CRIM1: variants seen among roughly 807,000 people sequenced by gnomAD.
CRIM1 encodes the protein cysteine rich transmembrane BMP regulator 1, also known as cysteine-rich motor neuron 1 protein.
CRIM1 carries 32 observed loss-of-function variants against 116.4 expected under a neutral mutation model. That is an observed-to-expected ratio of 0.27 (90% CI 0.21 to 0.37). CRIM1 has a LOEUF of 0.37. Ranked by LOEUF, CRIM1 falls within the 10% of genes least tolerant of loss-of-function variation. The probability of loss-of-function intolerance (pLI) is 1.00; values close to 1 mark genes in which losing one functional copy is unlikely to be tolerated. For synonymous variants in CRIM1, 590 were observed against 509.2 expected (o/e 1.16, Z -2.13); for missense variants, 1,331 against 1,354.8 (o/e 0.98, Z 0.28).
chr2:36,381,279 G>T (rs1436694700), intron 1 of CRIM1, among the ~76,000 whole-genome samples: 1 of 152,238 alleles, frequency 6.6e-6, no homozygotes, highest in East Asian at 1.9e-4. Context: ...GAGGTGGGAT[G>T]GAGGGAAAGG....
At chr2:36,531,289 A>G (rs1369868893) in intron 13 of CRIM1, among the ~76,000 whole-genome samples, 1 of 152,254 alleles carries the variant, frequency 6.6e-6, no homozygotes, top group Non-Finnish European at 1.5e-5. Flanking sequence ...CCTCCTAGGC[A>G]GAAATCAAGA....
chr2:36,373,192 G>C (rs1670059667), intron 1 of CRIM1, among the ~76,000 whole-genome samples: 1 of 152,090 alleles, frequency 6.6e-6, no homozygotes, highest in African/African-American at 2.4e-5. Flanking sequence ...GTGGGTAAAG[G>C]ACCCAGAACT....
intron 4 of CRIM1, among the ~76,000 whole-genome samples, chr2:36,458,547 T>C (rs1020471148): frequency 5.3e-5 from 8 of 152,018 alleles, no homozygotes; most frequent in African/African-American, 1.9e-4. Context: ...TTGCTTAGAG[T>C]TCTTTAGTAG....
chr2:36,429,728 G>A (rs1394600792), intron 2 of CRIM1, among the ~76,000 whole-genome samples: 8 of 152,220 alleles, frequency 5.3e-5, no homozygotes, highest in Admixed American at 3.3e-4. Flanking sequence ...TCAGGAGCCT[G>A]TGAATTTGTT....
chr2:36,514,532 T>C lies in CRIM1; in HGVS notation c.1990+767T>C, dbSNP rs541792484. ...CATTTGGAAAACAGACACAGAAAGA[T>C]TGACTGTCTTACCAAGAGTAAAATA... On this transcript the variant is annotated intron_variant, in intron 11 of 16. Transcript: ENST00000280527. Among the ~76,000 whole-genome samples, 241 of 152,352 alleles carry C rather than the reference T, an allele frequency of 1.6e-3. 2 individuals are homozygous for C. The highest frequency in any genetic ancestry group is 5.7e-3 in the African/African-American group (236 of 41,582).
intron 10 of CRIM1, among the ~76,000 whole-genome samples, chr2:36,513,026 CAGATT>C (rs1276787418): frequency 6.6e-6 from 1 of 152,194 alleles, no homozygotes; most frequent in Non-Finnish European, 1.5e-5. Flanking sequence ...GCATGATGCA[CAGATT>C]AAACTATAAA....
intron 1 of CRIM1, among the ~76,000 whole-genome samples, chr2:36,371,363 T>C (rs1222844166): frequency 6.6e-6 from 1 of 152,192 alleles, no homozygotes; most frequent in Non-Finnish European, 1.5e-5. Flanking sequence ...CTCATTGTGA[T>C]CTATTTGAGT....
intron 14 of CRIM1, among the ~76,000 whole-genome samples, chr2:36,542,487 C>G (rs985826285): frequency 6.6e-6 from 1 of 152,164 alleles, no homozygotes; most frequent in Non-Finnish European, 1.5e-5. Flanking sequence ...TCCAAAGTTA[C>G]GTCTCTCCCT....
At chr2:36,545,685 G>C (rs539192897) in intron 15 of CRIM1, among the ~76,000 whole-genome samples, 4 of 152,290 alleles carry the variant, frequency 2.6e-5, no homozygotes, top group African/African-American at 9.6e-5. Context: ...CACAGAAACA[G>C]AACTGGAAGA....
intron 13 of CRIM1, among the ~76,000 whole-genome samples, chr2:36,528,240 G>T (rs1481316687): frequency 6.6e-6 from 1 of 152,104 alleles, no homozygotes; most frequent in Non-Finnish European, 1.5e-5. Context: ...GAAATGCCTG[G>T]ATATAACATC....
intron 1 of CRIM1, among the ~76,000 whole-genome samples, chr2:36,370,741 A>T (rs1403819184): frequency 6.6e-6 from 1 of 152,136 alleles, no homozygotes; most frequent in Non-Finnish European, 1.5e-5. Context: ...AAAGAGAGAG[A>T]AGGGATAAAG....
chr2:36,444,317 C>A (rs948921896), intron 4 of CRIM1, among the ~76,000 whole-genome samples: 1 of 152,164 alleles, frequency 6.6e-6, no homozygotes, highest in African/African-American at 2.4e-5. Flanking sequence ...TAAGAAGAAA[C>A]TTTCCCACAA....
chr2:36,493,410 A>G (rs1680365286), intron 7 of CRIM1, among the ~76,000 whole-genome samples: 1 of 152,210 alleles, frequency 6.6e-6, no homozygotes, highest in South Asian at 2.1e-4. Flanking sequence ...TTCCACAGCC[A>G]GGCCTGCAGT....
intron 2 of CRIM1, among the ~76,000 whole-genome samples, chr2:36,440,585 T>C (rs902916494): frequency 6.6e-6 from 1 of 152,208 alleles, no homozygotes; most frequent in Non-Finnish European, 1.5e-5. Context: ...AAAATTGAGA[T>C]ACAGCAATGG....
chr2:36,371,156 G>A (rs557772635), intron 1 of CRIM1, among the ~76,000 whole-genome samples: 2 of 152,214 alleles, frequency 1.3e-5, no homozygotes, highest in African/African-American at 2.4e-5. Context: ...TTGTCTTCAC[G>A]TCCTTTAATA....
At chr2:36,495,629 C>A (rs1048405171) in intron 7 of CRIM1, among the ~76,000 whole-genome samples, 4 of 151,890 alleles carry the variant, frequency 2.6e-5, no homozygotes, top group Non-Finnish European at 5.9e-5. Context: ...TCTTTAAGAA[C>A]TATAAATATA....
chr2:36,496,227 A>C (rs1197370307), intron 7 of CRIM1, among the ~76,000 whole-genome samples: 1 of 152,226 alleles, frequency 6.6e-6, no homozygotes, highest in Non-Finnish European at 1.5e-5. Flanking sequence ...TGAGATGCCA[A>C]GTGTTAAAAT....
At chr2:36,502,600 T>A (rs1366515923) in intron 8 of CRIM1, among the ~76,000 whole-genome samples, 1 of 152,230 alleles carries the variant, frequency 6.6e-6, no homozygotes, top group Non-Finnish European at 1.5e-5. Flanking sequence ...GCCACAAAGA[T>A]GACTAAAATG....
intron 8 of CRIM1, among the ~76,000 whole-genome samples, chr2:36,504,934 C>T (rs1487610816): frequency 6.6e-6 from 1 of 152,162 alleles, no homozygotes; most frequent in African/African-American, 2.4e-5. Flanking sequence ...TAATTGTAGA[C>T]ATTAATAGTG....
Sources: allele counts gnomAD v4.1 joint callset (sites outside exome capture counted in the v4.1 genomes callset), GRCh38; gene constraint gnomAD v4.1.1; transcripts MANE v1.5; gene names NCBI Gene and HGNC (gene_info 2026-07-23, HGNC 2026-07-21).